Variants in FHIP1A observed in about 807,000 individuals in gnomAD.
The protein encoded by FHIP1A is FHF complex subunit HOOK interacting protein 1A, also known as FHF complex subunit HOOK-interacting protein 1A.
In FHIP1A, 61 loss-of-function variants were observed where a neutral mutation model predicts 88.6. That is an observed-to-expected ratio of 0.69 (90% confidence interval 0.56 to 0.85). FHIP1A has a LOEUF of 0.85. Among genes scored for constraint, FHIP1A ranks in the 40% least tolerant of loss-of-function variants. The probability of loss-of-function intolerance (pLI) is 0.00; values close to 1 mark genes in which losing one functional copy is unlikely to be tolerated. For synonymous variants in FHIP1A, 478 were observed against 496.0 expected (o/e 0.96, Z 0.48); for missense variants, 1,154 against 1,273.5 (o/e 0.91, Z 1.43).
intron 3 of FHIP1A, among the ~76,000 whole-genome samples, chr4:151,527,206 C>T (rs563550374): frequency 6.6e-6 from 1 of 152,336 alleles, no homozygotes. Flanking sequence ...GAGCCGAGAT[C>T]ACGCCACTGC....
At chr4:151,446,456 C>G (rs1185864646) in intron 1 of FHIP1A, among the ~76,000 whole-genome samples, 1 of 136,280 alleles carries the variant, frequency 7.3e-6, no homozygotes, top group Non-Finnish European at 1.7e-5. Flanking sequence ...TCTTCCTTTC[C>G]TTTCCTTTCC....
At chr4:151,421,244 G>A (rs1467772835) in intron 1 of FHIP1A, among the ~76,000 whole-genome samples, 1 of 152,130 alleles carries the variant, frequency 6.6e-6, no homozygotes, top group Non-Finnish European at 1.5e-5. Context: ...ATTTGGATTT[G>A]TCAAATTTTA....
intron 2 of FHIP1A, among the ~76,000 whole-genome samples, chr4:151,481,723 G>A (rs1451377210): frequency 1.3e-5 from 2 of 151,898 alleles, no homozygotes; most frequent in Admixed American, 6.6e-5. Flanking sequence ...ATTTTCTCTG[G>A]CCTCCACTTA....
intron 1 of FHIP1A, among the ~76,000 whole-genome samples, chr4:151,454,037 T>C (rs6816232): frequency 0.011 from 1,686 of 152,312 alleles, 31 homozygotes; most frequent in African/African-American, 0.037. Context: ...AATGCTGTGA[T>C]GAATAAACAT....
chr4:151,444,536 G>A (rs769252122), intron 1 of FHIP1A, among the ~76,000 whole-genome samples: 8 of 151,802 alleles, frequency 5.3e-5, no homozygotes, highest in Non-Finnish European at 8.8e-5. Flanking sequence ...CACTCCCCAC[G>A]TTTCTCCTAT....
chr4:151,657,502 C>T (rs986034796), intron 13 of FHIP1A, among the ~76,000 whole-genome samples: 3 of 152,100 alleles, frequency 2.0e-5, no homozygotes, highest in East Asian at 1.9e-4. Flanking sequence ...GGGCATGGGT[C>T]GGTGCTAGTA....
At chr4:151,555,292 T>C (rs1732903734) in intron 3 of FHIP1A, among the ~76,000 whole-genome samples, 1 of 152,190 alleles carries the variant, frequency 6.6e-6, no homozygotes, top group Non-Finnish European at 1.5e-5. Context: ...AAAAACATAC[T>C]TTTCTTGGGT....
chr4:151,589,060 C>T, intron 7 of FHIP1A, 134 bp downstream of exon 7: 1 of 665,650 alleles, frequency 1.5e-6, no homozygotes, highest in Non-Finnish European at 2.6e-6. Flanking sequence ...TATTTCTTAG[C>T]AATATCAAAC....
intron 8 of FHIP1A, among the ~76,000 whole-genome samples, chr4:151,638,035 CCT>C (rs1326425428): frequency 6.6e-6 from 1 of 152,108 alleles, no homozygotes; most frequent in Non-Finnish European, 1.5e-5. Flanking sequence ...GGGTATCTCC[CCT>C]GTTTGGCAGT....
intron 1 of FHIP1A, among the ~76,000 whole-genome samples, chr4:151,437,956 C>T (rs1178773356): frequency 3.3e-5 from 5 of 152,014 alleles, no homozygotes; most frequent in African/African-American, 2.4e-5. Flanking sequence ...GTATGTTATT[C>T]AAGTCATGAT....
At chr4:151,528,555 G>C (rs1731764189) in intron 3 of FHIP1A, among the ~76,000 whole-genome samples, 1 of 152,222 alleles carries the variant, frequency 6.6e-6, no homozygotes, top group Admixed American at 6.5e-5. Context: ...TGGAGGCCAG[G>C]CTAGGAGGAG....
intron 3 of FHIP1A, among the ~76,000 whole-genome samples, chr4:151,543,109 A>G (rs1732359808): frequency 1.3e-5 from 2 of 152,232 alleles, no homozygotes; most frequent in African/African-American, 4.8e-5. Flanking sequence ...TAGCTCTTAC[A>G]ATAACTCCAT....
chr4:151,434,979 A>C (rs991435706), intron 1 of FHIP1A, among the ~76,000 whole-genome samples: 4 of 152,210 alleles, frequency 2.6e-5, no homozygotes, highest in Non-Finnish European at 5.9e-5. Context: ...CTTTTAAAAA[A>C]ATTGATATGT....
intron 11 of FHIP1A, among the ~76,000 whole-genome samples, chr4:151,655,494 T>G (rs539009995): frequency 6.6e-6 from 1 of 152,176 alleles, no homozygotes; most frequent in East Asian, 1.9e-4. Context: ...ACGGATTTTA[T>G]TTTTTAAGAA....
At chr4:151,507,648 A>G (rs1233794208) in intron 3 of FHIP1A, among the ~76,000 whole-genome samples, 1 of 152,112 alleles carries the variant, frequency 6.6e-6, no homozygotes, top group African/African-American at 2.4e-5. Context: ...TTTCTTGGCT[A>G]TTAAGTGAAC....
intron 3 of FHIP1A, among the ~76,000 whole-genome samples, chr4:151,503,564 C>T (rs768044663): frequency 6.6e-6 from 1 of 150,586 alleles, no homozygotes; most frequent in Non-Finnish European, 1.5e-5. Flanking sequence ...TCTAAAGAGC[C>T]AAGTAGAAAG....
At chr4:151,581,181 CA>C (rs1353994195) in intron 5 of FHIP1A, among the ~76,000 whole-genome samples, 2 of 152,126 alleles carry the variant, frequency 1.3e-5, no homozygotes, top group Non-Finnish European at 2.9e-5. Context: ...AATTTTAAAA[CA>C]CAGAATCTTA....
intron 1 of FHIP1A, among the ~76,000 whole-genome samples, chr4:151,444,842 A>G (rs977313684): frequency 3.3e-5 from 5 of 152,222 alleles, no homozygotes; most frequent in Non-Finnish European, 7.3e-5. Flanking sequence ...AAAGAGGATT[A>G]CAATTTTTTA....
chr4:151,420,087 G>A lies in FHIP1A; in HGVS notation c.-356+10622G>A, dbSNP rs573815105. ...TGTCTTTATAGCAGCATGATTTATA[G>A]TCCTTTGGGTATATACCCAGTAATG... On this transcript the variant is annotated intron_variant, in intron 1 of 13. Transcript: ENST00000435205. 9.1e-3 allele frequency among the ~76,000 whole-genome samples: 79 copies of A among 8,686 alleles called. 10 individuals carry two copies. The highest frequency in any genetic ancestry group is 0.045 in the Middle Eastern group (3 of 66). The allele number at this position is 8,686 out of a possible 152,430, so 5.7% of individuals were successfully genotyped here.
Sources: allele counts gnomAD v4.1 joint callset (sites outside exome capture counted in the v4.1 genomes callset), GRCh38; gene constraint gnomAD v4.1.1; transcripts MANE v1.5; gene names NCBI Gene and HGNC (gene_info 2026-07-23, HGNC 2026-07-21).